The following TMEM232 variants were observed in gnomAD, a reference collection of about 807,000 sequenced individuals.
TMEM232 encodes the protein transmembrane protein 232.
A neutral mutation model predicts 78.8 loss-of-function variants in TMEM232; 80 were observed. That is an observed-to-expected ratio of 1.01 (90% CI 0.85 to 1.22). The LOEUF is 1.22. Ranked by LOEUF, TMEM232 falls within the 50% of genes most tolerant of loss-of-function variation. TMEM232 has a pLI of 0.00. For missense variants in TMEM232, 881 were observed against 742.2 expected, an observed-to-expected ratio of 1.19 and a Z score of -2.17; for synonymous variants, 297 against 254.3, an observed-to-expected ratio of 1.17 and a Z score of -1.60.
chr5:110,643,091 C>T (rs1343416469), intron 2 of TMEM232, among the ~76,000 whole-genome samples: 2 of 151,890 alleles, frequency 1.3e-5, no homozygotes, highest in African/African-American at 4.8e-5. Context: ...GTCTTGACTT[C>T]GGCTCCAACC....
intron 7 of TMEM232, among the ~76,000 whole-genome samples, chr5:110,621,302 G>A (rs569298040): frequency 1.3e-5 from 2 of 152,130 alleles, no homozygotes; most frequent in Non-Finnish European, 2.9e-5. Flanking sequence ...AAGACCAAGA[G>A]TGAGCAATGT....
At chr5:110,392,216 C>T (rs1341405827) in intron 3 of TMEM232, among the ~76,000 whole-genome samples, 1 of 152,178 alleles carries the variant, frequency 6.6e-6, no homozygotes, top group Non-Finnish European at 1.5e-5. Flanking sequence ...CTCCCAGTCT[C>T]CTGCCTCCCA....
intron 2 of TMEM232, among the ~76,000 whole-genome samples, chr5:110,412,297 C>T (rs1283845054): frequency 1.3e-5 from 2 of 152,212 alleles, no homozygotes; most frequent in African/African-American, 4.8e-5. Flanking sequence ...CCTGAACAAT[C>T]CTATCCCTTG....
chr5:110,399,305 A>G (rs1330192075), intron 2 of TMEM232, among the ~76,000 whole-genome samples: 1 of 152,164 alleles, frequency 6.6e-6, no homozygotes, highest in Non-Finnish European at 1.5e-5. Flanking sequence ...AACACTGAGC[A>G]GTGGTGGCAT....
chr5:110,635,927 TAAAGAA>T (rs999832000), intron 5 of TMEM232, among the ~76,000 whole-genome samples: 122 of 152,062 alleles, frequency 8.0e-4, no homozygotes, highest in African/African-American at 2.9e-3. Flanking sequence ...TTTAGGAAGA[TAAAGAA>T]AATCAGTGTA....
At chr5:110,428,974 G>C (rs1489943269) in intron 12 of TMEM232, among the ~76,000 whole-genome samples, 1 of 151,806 alleles carries the variant, frequency 6.6e-6, no homozygotes, top group Non-Finnish European at 1.5e-5. Context: ...TATGTAGACT[G>C]AGATGGCTGG....
intron 12 of TMEM232, among the ~76,000 whole-genome samples, chr5:110,480,980 T>C (rs1763799353): frequency 6.6e-6 from 1 of 152,074 alleles, no homozygotes; most frequent in South Asian, 2.1e-4. Flanking sequence ...CAATTTTGTT[T>C]TCTGTATCTA....
intron 2 of TMEM232, among the ~76,000 whole-genome samples, chr5:110,732,426 G>C (rs1798771099): frequency 6.6e-6 from 1 of 152,136 alleles, no homozygotes; most frequent in African/African-American, 2.4e-5. Flanking sequence ...ACCCAAAACT[G>C]GGAACAAAAA....
intron 10 of TMEM232, among the ~76,000 whole-genome samples, chr5:110,578,792 G>A (rs544736222): frequency 1.8e-4 from 28 of 151,890 alleles, no homozygotes; most frequent in Admixed American, 7.2e-4. Flanking sequence ...GGAACAAATG[G>A]ATCAATTCTC....
chr5:110,561,183 T>C (rs1014384251), intron 11 of TMEM232, among the ~76,000 whole-genome samples: 1 of 152,106 alleles, frequency 6.6e-6, no homozygotes, highest in African/African-American at 2.4e-5. Flanking sequence ...AAGAATTTCA[T>C]ACAGGGAATA....
At chr5:110,410,930 G>A (rs1465710006) in intron 2 of TMEM232, among the ~76,000 whole-genome samples, 1 of 152,022 alleles carries the variant, frequency 6.6e-6, no homozygotes, top group African/African-American at 2.4e-5. Context: ...ATGTGTGTAG[G>A]TACTATTTGT....
intron 12 of TMEM232, chr5:110,514,002 A>C (rs1316488749): frequency 5.9e-6 from 1 of 169,378 alleles, no homozygotes; most frequent in Non-Finnish European, 1.5e-5. Context: ...CACTTTAAGT[A>C]ACTGATCTAA....
intron 10 of TMEM232, among the ~76,000 whole-genome samples, chr5:110,584,824 T>G (rs1194225582): frequency 1.3e-5 from 2 of 152,138 alleles, no homozygotes; most frequent in Non-Finnish European, 2.9e-5. Context: ...TTATTTTCAT[T>G]AATGAATATA....
At chr5:110,605,822 G>A (rs974902818) in intron 9 of TMEM232, among the ~76,000 whole-genome samples, 2 of 151,930 alleles carry the variant, frequency 1.3e-5, no homozygotes, top group East Asian at 1.9e-4. Flanking sequence ...CTACTCTAAA[G>A]AAACAGAAGT....
intron 3 of TMEM232, among the ~76,000 whole-genome samples, chr5:110,391,979 T>G (rs554300709): frequency 6.6e-6 from 1 of 152,348 alleles, no homozygotes; most frequent in African/African-American, 2.4e-5. Context: ...CTCCTACATA[T>G]GCATCATATG....
chr5:110,468,798 G>T (rs1012530476), intron 12 of TMEM232, among the ~76,000 whole-genome samples: 2 of 152,104 alleles, frequency 1.3e-5, no homozygotes, highest in African/African-American at 4.8e-5. Context: ...GAAGCCCTTA[G>T]TTCTTGTAAC....
intron 1 of TMEM232, among the ~76,000 whole-genome samples, chr5:110,673,315 AG>A (rs1328723055): frequency 7.4e-6 from 1 of 135,278 alleles, no homozygotes; most frequent in East Asian, 2.5e-4. Context: ...GGGTGGCGGG[AG>A]GGGGGAGGGA....
chr5:110,635,826 C>G (rs1168740743), intron 5 of TMEM232, among the ~76,000 whole-genome samples: 2 of 151,858 alleles, frequency 1.3e-5, no homozygotes, highest in African/African-American at 4.8e-5. Flanking sequence ...TAAATTAGTA[C>G]AGCCACTATG....
intron 1 of TMEM232, among the ~76,000 whole-genome samples, chr5:110,724,307 T>C (rs888711342): frequency 2.0e-5 from 3 of 152,168 alleles, no homozygotes; most frequent in Non-Finnish European, 4.4e-5. Context: ...TGTAGAACAA[T>C]GACTCCCAAG....
Sources: allele counts gnomAD v4.1 joint callset (sites outside exome capture counted in the v4.1 genomes callset), GRCh38; gene constraint gnomAD v4.1.1; transcripts MANE v1.5; gene names NCBI Gene and HGNC (gene_info 2026-07-23, HGNC 2026-07-21).